The following MSH4 variants were observed in gnomAD, a reference collection of about 807,000 sequenced individuals.
MSH4 encodes the protein mutS homolog 4.
In MSH4, 106 loss-of-function variants were observed where a neutral mutation model predicts 113.7. That is an observed-to-expected ratio of 0.93 (90% CI 0.80 to 1.10). The LOEUF (loss-of-function observed/expected upper bound fraction) is 1.10, where lower values mean the gene tolerates loss of function less well. Among genes scored for constraint, MSH4 ranks in the 50% least tolerant of loss-of-function variants. The probability of loss-of-function intolerance (pLI) is 0.00; values close to 1 mark genes in which losing one functional copy is unlikely to be tolerated. For synonymous variants in MSH4, 368 were observed against 380.2 expected (o/e 0.97, Z 0.37); for missense variants, 1,061 against 1,093.7 (o/e 0.97, Z 0.42).
intron 7 of MSH4, 133 bp from the exon 8 acceptor site, chr1:75,848,076 G>A: frequency 1.8e-6 from 1 of 550,118 alleles, no homozygotes; most frequent in South Asian, 3.1e-5. Context: ...ATGTAAGATA[G>A]TTAAAGAAGA....
chr1:75,901,357 C>T (rs1652502171), intron 19 of MSH4, among the ~76,000 whole-genome samples: 1 of 152,120 alleles, frequency 6.6e-6, no homozygotes, highest in Admixed American at 6.6e-5. Flanking sequence ...ATGAGCTCTT[C>T]ACCTCCATGA....
At chr1:75,909,088 C>A (rs1283890131) in intron 19 of MSH4, among the ~76,000 whole-genome samples, 2 of 152,166 alleles carry the variant, frequency 1.3e-5, no homozygotes, top group Non-Finnish European at 1.5e-5. Flanking sequence ...GCGGTTTTCT[C>A]CCTCCAGGCA....
At chr1:75,834,571 G>A (rs545292873) in intron 7 of MSH4, among the ~76,000 whole-genome samples, 88 of 152,268 alleles carry the variant, frequency 5.8e-4, no homozygotes, top group African/African-American at 1.7e-3. Flanking sequence ...AAAATGTAGC[G>A]CATATACACC....
At chr1:75,803,350 G>C (rs1172755743) in intron 1 of MSH4, among the ~76,000 whole-genome samples, 1 of 152,130 alleles carries the variant, frequency 6.6e-6, no homozygotes, top group Non-Finnish European at 1.5e-5. Flanking sequence ...TGGGTGCGGT[G>C]ACTCAGGCCT....
intron 9 of MSH4, among the ~76,000 whole-genome samples, chr1:75,873,949 G>T (rs947046199): frequency 6.6e-6 from 1 of 152,194 alleles, no homozygotes; most frequent in African/African-American, 2.4e-5. Context: ...CAATGGGATT[G>T]TTGGGTCGAA....
In MSH4 at chr1:75,797,165, G is replaced by A. The variant is rs142461396; in HGVS notation, c.180G>A (p.Ala60=). Reference sequence around the variant, plus strand: ...CCTGTCCTGGCACGTCAGGAGCTGCGGGCGACCGGAGCAGCAGCAGCAGCA... The same window carrying A: ...CCTGTCCTGGCACGTCAGGAGCTGCAGGCGACCGGAGCAGCAGCAGCAGCA... ...ASTCPGTSGA[A]GDRSSSSSSL... is the part of the protein sequence containing the mutation. The change falls in exon 1 of 20, where the codon GCG becomes GCA. Residue 60 remains alanine, a synonymous_variant. Coordinates refer to ENST00000263187, the MANE Select transcript of MSH4 (RefSeq NM_002440.4). 3.0e-5 allele frequency: 49 copies of A among 1,611,488 alleles called. No homozygotes were observed. The African/African-American group carries it at 6.1e-4, about 20-fold the overall frequency.
At chr1:75,881,943 C>A (rs1651943543) in intron 14 of MSH4, among the ~76,000 whole-genome samples, 1 of 151,970 alleles carries the variant, frequency 6.6e-6, no homozygotes, top group Admixed American at 6.6e-5. Flanking sequence ...CTCCAGTATG[C>A]AAATTTACTG....
At chr1:75,814,974 G>A in intron 4 of MSH4, 47 bp from the exon 5 acceptor site, 1 of 1,140,008 alleles carries the variant, frequency 8.8e-7, no homozygotes, top group East Asian at 2.4e-5. Flanking sequence ...TTTTGGGCAA[G>A]CGCATGGCAC....
chr1:75,848,427 A>T lies in MSH4; in HGVS notation c.1230+151A>T. ...AGTATTTTATGCCACTGTAGAGGAA[A>T]CTTTTTTCCTAATGTATTATCCTGT... On this transcript the variant is annotated intron_variant, in intron 8 of 19. Transcript: ENST00000263187. The T allele has an allele frequency of 6.2e-6, 4 of 641,796 alleles. No homozygotes were observed. In the East Asian group the frequency reaches 1.1e-4, roughly 18 times the overall value. 39.8% of individuals were successfully genotyped at this position (641,796 alleles called of 1,614,324 possible). A position where few individuals can be genotyped will look rare whatever the true frequency, so the allele number is the denominator to read the frequency against.
At chr1:75,912,329 CT>C (rs1489848053) in intron 19 of MSH4, among the ~76,000 whole-genome samples, 2 of 152,076 alleles carry the variant, frequency 1.3e-5, no homozygotes, top group Admixed American at 6.6e-5. Flanking sequence ...TTTCCCATAC[CT>C]TTTTAATGGG....
intron 4 of MSH4, among the ~76,000 whole-genome samples, chr1:75,811,445 A>G (rs916756182): frequency 3.3e-5 from 5 of 152,216 alleles, no homozygotes; most frequent in African/African-American, 1.2e-4. Context: ...TTTCCCTTAC[A>G]TGTATTTTCC....
At chr1:75,848,514 C>T (rs982424217) in intron 8 of MSH4, among the ~76,000 whole-genome samples, 1 of 152,154 alleles carries the variant, frequency 6.6e-6, no homozygotes, top group Non-Finnish European at 1.5e-5. Flanking sequence ...AATCCCAACA[C>T]TTTGGGAGGT....
At chr1:75,871,752 T>A (rs1037865571) in intron 9 of MSH4, among the ~76,000 whole-genome samples, 2 of 152,226 alleles carry the variant, frequency 1.3e-5, no homozygotes, top group Admixed American at 6.5e-5. Context: ...GAAAGAACTT[T>A]TCAGAAACAT....
intron 15 of MSH4, among the ~76,000 whole-genome samples, chr1:75,888,691 A>G (rs997632400): frequency 2.0e-5 from 3 of 152,070 alleles, no homozygotes; most frequent in Non-Finnish European, 4.4e-5. Context: ...CATACCATGT[A>G]TAATGATTAG....
intron 15 of MSH4, among the ~76,000 whole-genome samples, chr1:75,888,820 CTGTT>C (rs779254196): frequency 2.7e-5 from 4 of 149,150 alleles, no homozygotes; most frequent in African/African-American, 4.9e-5. Context: ...TTATAACTGT[CTGTT>C]TGTTATGTAC....
intron 19 of MSH4, among the ~76,000 whole-genome samples, chr1:75,911,596 A>G (rs191824185): frequency 1.0e-3 from 156 of 152,190 alleles, no homozygotes; most frequent in Middle Eastern, 6.8e-3. Flanking sequence ...AAGCTCCTTG[A>G]GTTCTGTTAT....
At chr1:75,884,182 T>C (rs1038216918) in intron 15 of MSH4, among the ~76,000 whole-genome samples, 1 of 152,160 alleles carries the variant, frequency 6.6e-6, no homozygotes, top group African/African-American at 2.4e-5. Context: ...GGTTAAGCTG[T>C]TGCCTTTAAT....
intron 7 of MSH4, among the ~76,000 whole-genome samples, chr1:75,824,233 T>C (rs1004632263): frequency 6.6e-6 from 1 of 152,204 alleles, no homozygotes; most frequent in Non-Finnish European, 1.5e-5. Context: ...CCAGTGATGA[T>C]GAGCTTTTTT....
chr1:75,797,707 G>A lies in MSH4; in HGVS notation c.244+478G>A, dbSNP rs12058610. ...AGCACTTTGGGAAACCAGGGTGGGC[G>A]GATCACTTGAGGCCGGGAGTTCCAC... On this transcript the variant is annotated intron_variant, in intron 1 of 19. Coordinates refer to ENST00000263187, the MANE Select transcript of MSH4 (RefSeq NM_002440.4). Among the ~76,000 whole-genome samples, 1,142 of 152,278 alleles carry A rather than the reference G, an allele frequency of 7.5e-3. 16 individuals carry two copies. Among genetic ancestry groups the A allele is most frequent in the African/African-American group, 0.026 (1,077 of 41,544 alleles).
Sources: allele counts gnomAD v4.1 joint callset (sites outside exome capture counted in the v4.1 genomes callset), GRCh38; gene constraint gnomAD v4.1.1; transcripts MANE v1.5; gene names NCBI Gene and HGNC (gene_info 2026-07-23, HGNC 2026-07-21).